CARMIL1: variants seen among roughly 807,000 people sequenced by gnomAD.
CARMIL1 encodes F-actin-uncapping protein LRRC16A.
A neutral mutation model predicts 177.1 loss-of-function variants in CARMIL1; 90 were observed. That is an observed-to-expected ratio of 0.51 (90% CI 0.43 to 0.61). CARMIL1 has a LOEUF of 0.61. Ranked by LOEUF, CARMIL1 falls within the 20% of genes least tolerant of loss-of-function variation. CARMIL1 has a pLI of 0.00. For missense variants in CARMIL1, 1,380 were observed against 1,667.0 expected, an observed-to-expected ratio of 0.83 and a Z score of 3.00; for synonymous variants, 577 against 606.2, an observed-to-expected ratio of 0.95 and a Z score of 0.71.
At chr6:25,413,218 A>G (rs1347631656) in intron 2 of CARMIL1, among the ~76,000 whole-genome samples, 4 of 152,190 alleles carry the variant, frequency 2.6e-5, no homozygotes, top group African/African-American at 9.7e-5. Context: ...TGGAAGGGGA[A>G]AGTATTAAGA....
At chr6:25,618,654 A>G (rs961485154) in intron 36 of CARMIL1, among the ~76,000 whole-genome samples, 2 of 152,256 alleles carry the variant, frequency 1.3e-5, no homozygotes, top group African/African-American at 4.8e-5. Flanking sequence ...TGTGAGGAAT[A>G]GCGATAATAA....
intron 2 of CARMIL1, among the ~76,000 whole-genome samples, chr6:25,352,142 T>C (rs1393843692): frequency 1.0e-5 from 1 of 97,828 alleles, no homozygotes; most frequent in African/African-American, 4.6e-5. Context: ...AAAACATGTA[T>C]TGGATACAGT....
At chr6:25,334,694 A>G (rs1786031139) in intron 2 of CARMIL1, among the ~76,000 whole-genome samples, 1 of 152,122 alleles carries the variant, frequency 6.6e-6, no homozygotes, top group Non-Finnish European at 1.5e-5. Context: ...TTATCTTGTG[A>G]TTTCTTTTAA....
intron 2 of CARMIL1, among the ~76,000 whole-genome samples, chr6:25,380,206 G>A (rs192277228): frequency 8.3e-4 from 127 of 152,150 alleles, no homozygotes; most frequent in Admixed American, 3.5e-3. Flanking sequence ...GTAAATCTCC[G>A]ACGTTATTTT....
At chr6:25,342,968 T>A (rs1787097354) in intron 2 of CARMIL1, among the ~76,000 whole-genome samples, 1 of 152,246 alleles carries the variant, frequency 6.6e-6, no homozygotes, top group South Asian at 2.1e-4. Flanking sequence ...AATCTTATTT[T>A]CCAGACACAA....
chr6:25,291,671 TA>T (rs1335930786), intron 2 of CARMIL1, among the ~76,000 whole-genome samples: 2 of 152,128 alleles, frequency 1.3e-5, no homozygotes, highest in Non-Finnish European at 2.9e-5. Context: ...ATGGAACCCA[TA>T]ATGTAGTAAT....
chr6:25,366,537 TG>T (rs77501619), intron 2 of CARMIL1, among the ~76,000 whole-genome samples: 12,413 of 151,722 alleles, frequency 0.082, 518 homozygotes, highest in East Asian at 0.14. Flanking sequence ...ATCTATGCAT[TG>T]TTTTCTCTTT....
At chr6:25,609,839 T>C (rs1037081777) in intron 35 of CARMIL1, among the ~76,000 whole-genome samples, 1 of 152,248 alleles carries the variant, frequency 6.6e-6, no homozygotes, top group Non-Finnish European at 1.5e-5. Flanking sequence ...TTTGTGCAGA[T>C]ATTAACTTTT....
intron 2 of CARMIL1, among the ~76,000 whole-genome samples, chr6:25,345,422 C>G (rs1354231332): frequency 1.3e-5 from 2 of 152,070 alleles, no homozygotes; most frequent in Admixed American, 1.3e-4. Context: ...GTATTTGTAG[C>G]CTGGATCTCT....
intron 5 of CARMIL1, among the ~76,000 whole-genome samples, chr6:25,436,311 TAGA>T (rs1206108808): frequency 1.3e-5 from 2 of 152,288 alleles, no homozygotes; most frequent in Middle Eastern, 3.4e-3. Context: ...ACCCTCCTGA[TAGA>T]AGAACAGGAT....
chr6:25,282,428 C>T (rs547011542), intron 1 of CARMIL1, among the ~76,000 whole-genome samples: 2 of 152,240 alleles, frequency 1.3e-5, no homozygotes, highest in Admixed American at 6.5e-5. Context: ...CCCAAACATT[C>T]CACCTCCTTG....
chr6:25,296,937 A>G (rs62393629), intron 2 of CARMIL1, among the ~76,000 whole-genome samples: 1 of 12,870 alleles, frequency 7.8e-5, no homozygotes. Flanking sequence ...ATCTATCTTT[A>G]ACTAACTAAC....
chr6:25,298,200 A>G (rs974092998), intron 2 of CARMIL1, among the ~76,000 whole-genome samples: 1 of 152,222 alleles, frequency 6.6e-6, no homozygotes, highest in African/African-American at 2.4e-5. Context: ...TGTTAGGGGT[A>G]GTGTCGTGAT....
intron 9 of CARMIL1, among the ~76,000 whole-genome samples, chr6:25,467,395 GAA>G: frequency 6.6e-6 from 1 of 152,302 alleles, no homozygotes; most frequent in East Asian, 1.9e-4. Flanking sequence ...GGAACAGAGA[GAA>G]CAATGGTTTG....
At chr6:25,444,832 A>T (rs1324757719) in intron 5 of CARMIL1, among the ~76,000 whole-genome samples, 2 of 152,220 alleles carry the variant, frequency 1.3e-5, no homozygotes, top group Non-Finnish European at 2.9e-5. Context: ...TGCAATAAAC[A>T]TACATGTGCA....
chr6:25,441,530 C>T (rs963695451), intron 5 of CARMIL1, among the ~76,000 whole-genome samples: 30 of 151,964 alleles, frequency 2.0e-4, no homozygotes, highest in African/African-American at 7.0e-4. Context: ...CTCTCTCCCT[C>T]TCTCCTTCCC....
At position 25,482,179 on chromosome 6, in the gene CARMIL1, T is replaced by G. The variant is rs189666445; in HGVS notation, c.875-78T>G. ...TGATCACTTCAGTCAGAATCAAAAT[T>G]AAGTTAATTTTCATCCATTGTAAAA... On this transcript the variant is annotated intron_variant, in intron 11 of 36. Transcript: ENST00000329474. The G allele has an allele frequency of 5.7e-3, 4,052 of 711,610 alleles. 119 individuals carry two copies. The highest frequency in any genetic ancestry group is 8.5e-4 in the Non-Finnish European group (349 of 408,430). The allele number at this position is 711,610 out of a possible 1,614,324, so 44.1% of individuals were successfully genotyped here.
chr6:25,316,983 C>T (rs992464675), intron 2 of CARMIL1, among the ~76,000 whole-genome samples: 1 of 152,270 alleles, frequency 6.6e-6, no homozygotes, highest in Admixed American at 6.5e-5. Flanking sequence ...TAGTTTTTAA[C>T]TGGGAAGTTG....
intron 29 of CARMIL1, among the ~76,000 whole-genome samples, chr6:25,561,666 A>G (rs769226202): frequency 5.3e-5 from 8 of 152,214 alleles, no homozygotes; most frequent in Non-Finnish European, 1.0e-4. Context: ...TTGAGAAGAA[A>G]TTTAAACAAA....
Sources: allele counts gnomAD v4.1 joint callset (sites outside exome capture counted in the v4.1 genomes callset), GRCh38; gene constraint gnomAD v4.1.1; transcripts MANE v1.5; gene names NCBI Gene and HGNC (gene_info 2026-07-23, HGNC 2026-07-21).